The following BMPR2 variants were observed in gnomAD, a reference collection of about 807,000 sequenced individuals.
BMPR2 encodes the protein bone morphogenetic protein receptor type 2.
A neutral mutation model predicts 100.8 loss-of-function variants in BMPR2; 29 were observed. The ratio of observed to expected loss-of-function variants is 0.29; its 90% CI spans 0.21 to 0.39. The LOEUF (loss-of-function observed/expected upper bound fraction) is 0.39, where lower values mean the gene tolerates loss of function less well. BMPR2 is among the 10% of genes least tolerant of loss of function. BMPR2 has a pLI of 1.00. For missense variants in BMPR2, 1,011 were observed against 1,274.5 expected (o/e 0.79, Z 3.15); for synonymous variants, 382 against 442.3 (o/e 0.86, Z 1.71).
chr2:202,497,017 C>G (rs1693046700), intron 3 of BMPR2, among the ~76,000 whole-genome samples: 1 of 152,252 alleles, frequency 6.6e-6, no homozygotes, highest in African/African-American at 2.4e-5. Context: ...GCCGGCCAGC[C>G]CTGCCGGCCC....
intron 2 of BMPR2, 35 bp from the exon 3 acceptor site, chr2:202,467,484 A>G (rs766652883): frequency 1.3e-5 from 19 of 1,513,548 alleles, no homozygotes; most frequent in Non-Finnish European, 1.6e-5. Flanking sequence ...TCTTTATCAT[A>G]TTGTCTCCTT....
At chr2:202,401,390 T>C (rs1174384321) in intron 1 of BMPR2, among the ~76,000 whole-genome samples, 1 of 152,166 alleles carries the variant, frequency 6.6e-6, no homozygotes, top group Non-Finnish European at 1.5e-5. Flanking sequence ...ACAATTACAG[T>C]GTACTAAGAA....
intron 1 of BMPR2, among the ~76,000 whole-genome samples, chr2:202,392,381 T>G (rs1290101430): frequency 1.3e-5 from 2 of 152,170 alleles, no homozygotes; most frequent in Non-Finnish European, 2.9e-5. Flanking sequence ...CAGTCTACAC[T>G]CTTAACTGCT....
chr2:202,552,686 A>C (rs371669154), intron 10 of BMPR2, 30 bp from the exon 11 acceptor site: 15 of 1,613,332 alleles, frequency 9.3e-6, no homozygotes, highest in Non-Finnish European at 1.3e-5. Flanking sequence ...TTTTAAAGAC[A>C]CATGGTTTGA....
Position 202,377,425 on chromosome 2 carries a change from A to G in BMPR2, c.-50A>G, listed in dbSNP as rs1171338792. On this transcript the variant is annotated 5_prime_UTR_variant, in exon 1 of 13. Coordinates refer to ENST00000374580, the MANE Select transcript of BMPR2 (RefSeq NM_001204.7). The stretch of plus-strand genomic sequence containing the variant: ...CTCCCGGCTGTTTCTCCGCCGGTCT[A>G]CTTCCCATATTTCTTTTCTTTGCCC... 8 of 1,572,070 alleles carry G rather than the reference A, an allele frequency of 5.1e-6. No individual in the cohort carries two copies. The Admixed American group carries it at 6.7e-5, about 13-fold the overall frequency.
At chr2:202,537,441 T>C (rs1688181761) in intron 9 of BMPR2, among the ~76,000 whole-genome samples, 1 of 152,210 alleles carries the variant, frequency 6.6e-6, no homozygotes, top group Non-Finnish European at 1.5e-5. Flanking sequence ...TAAATCTTGT[T>C]TTCAGAAGAT....
chr2:202,539,024 AAAAG>A (rs1688221195), intron 9 of BMPR2, among the ~76,000 whole-genome samples: 1 of 152,158 alleles, frequency 6.6e-6, no homozygotes, highest in Non-Finnish European at 1.5e-5. Flanking sequence ...CTGGAACATA[AAAAG>A]AAAGAAAAAT....
Position 202,513,823 on chromosome 2 carries a change from T to C in BMPR2, c.523T>C (p.Leu175=). Residue 175 remains leucine, a synonymous_variant, in exon 4 of 13, where the codon TTG becomes CTG. Coordinates refer to ENST00000374580, the MANE Select transcript of BMPR2 (RefSeq NM_001204.7). ...IVALCFGYRM[L]TGDRKQGLHS... The stretch of plus-strand genomic sequence containing the variant: ...TGCCTTATGCTTTGGATACAGAATG[T>C]TGACAGGTAAAAATTACCATTTTTT... 6.2e-7 allele frequency: 1 copy of C among 1,608,098 alleles called. No homozygotes were observed. Among genetic ancestry groups the C allele is most frequent in the Non-Finnish European group, 8.5e-7 (1 of 1,175,118 alleles).
chr2:202,536,927 TCTCA>T (rs1219419160), intron 9 of BMPR2, among the ~76,000 whole-genome samples: 10 of 150,560 alleles, frequency 6.6e-5, no homozygotes, highest in African/African-American at 2.2e-4. Context: ...AGAGACAGGG[TCTCA>T]CTCCTGCCCA....
At chr2:202,379,561 C>T (rs1302465651) in intron 1 of BMPR2, among the ~76,000 whole-genome samples, 2 of 152,156 alleles carry the variant, frequency 1.3e-5, no homozygotes, top group Non-Finnish European at 2.9e-5. Context: ...ATGCAAATGT[C>T]GTAGTTCTGA....
chr2:202,450,274 C>T (rs1265276248), intron 1 of BMPR2, among the ~76,000 whole-genome samples: 1 of 152,172 alleles, frequency 6.6e-6, no homozygotes, highest in Admixed American at 6.5e-5. Context: ...CTACTATGAT[C>T]TTTCTCTGAC....
chr2:202,461,054 G>C (rs1467869545), intron 1 of BMPR2, among the ~76,000 whole-genome samples: 1 of 151,938 alleles, frequency 6.6e-6, no homozygotes, highest in Admixed American at 6.6e-5. Context: ...TGTGTTGCCC[G>C]GGCTGGTGCA....
At chr2:202,552,141 C>T (rs549951105) in intron 10 of BMPR2, among the ~76,000 whole-genome samples, 1 of 152,300 alleles carries the variant, frequency 6.6e-6, no homozygotes, top group Non-Finnish European at 1.5e-5. Flanking sequence ...GTGTGAACCA[C>T]CACGCCTGGC....
At chr2:202,461,284 T>C (rs1319934628) in intron 1 of BMPR2, among the ~76,000 whole-genome samples, 1 of 152,148 alleles carries the variant, frequency 6.6e-6, no homozygotes, top group Non-Finnish European at 1.5e-5. Context: ...GGTCAGGAGT[T>C]TGAGACCAGC....
intron 5 of BMPR2, among the ~76,000 whole-genome samples, chr2:202,516,062 T>G (rs141368583): frequency 1.1e-4 from 17 of 152,250 alleles, no homozygotes; most frequent in South Asian, 2.1e-4. Context: ...TATAGATACA[T>G]AAGGCTCTTT....
chr2:202,455,306 G>A (rs1445516492), intron 1 of BMPR2, among the ~76,000 whole-genome samples: 2 of 152,158 alleles, frequency 1.3e-5, no homozygotes, highest in African/African-American at 4.8e-5. Context: ...CCAGCACTTT[G>A]GGAGGCCAAG....
chr2:202,552,933 C>CT (rs776026827), intron 11 of BMPR2, 45 bp downstream of exon 11: 38 of 1,605,154 alleles, frequency 2.4e-5, no homozygotes, highest in South Asian at 2.2e-5. Context: ...GTATTAGAAA[C>CT]TGAGACCCAA....
In BMPR2 at chr2:202,556,517, G is replaced by A. The variant is rs1221937101; in HGVS notation, c.2852G>A (p.Gly951Asp). 12 of 1,613,052 alleles carry A rather than the reference G, an allele frequency of 7.4e-6. No individual in the cohort carries two copies. The highest frequency in any genetic ancestry group is 1.7e-5 in the Admixed American group (1 of 60,026). Residue 951 changes from glycine to aspartate, a missense_variant, in exon 12 of 13, where the codon GGC becomes GAC. Gly to Asp is a moderately conservative substitution (Grantham distance 94, BLOSUM62 -1). Coordinates refer to ENST00000374580, the MANE Select transcript of BMPR2 (RefSeq NM_001204.7). ...CTTTCAGCCACAAATGTCCTGGATG[G>A]CAGCAGTATACAGAGTAAGTGGAGG... Reference protein sequence around the residue: ...LDLSATNVLDGSSIQIGESTQ... With the variant: ...LDLSATNVLDDSSIQIGESTQ...
chr2:202,525,045 C>G (rs1029168972), intron 7 of BMPR2, among the ~76,000 whole-genome samples: 4 of 151,884 alleles, frequency 2.6e-5, no homozygotes, highest in African/African-American at 9.7e-5. Context: ...CTTTTTAAAG[C>G]CCATTTTTGG....
Sources: gnomAD v4.1 joint callset for allele counts (sites outside exome capture counted in the v4.1 genomes callset) on GRCh38, gnomAD v4.1.1 for gene constraint, MANE v1.5 for transcripts, NCBI Gene and HGNC (gene_info 2026-07-23, HGNC 2026-07-21) for gene names.